The following TNPO1 variants were observed in gnomAD, a reference collection of about 807,000 sequenced individuals.
The protein encoded by TNPO1 is transportin-1.
TNPO1 carries 8 observed loss-of-function variants against 119.5 expected under a neutral mutation model. That is an observed-to-expected ratio of 0.07 (90% CI 0.04 to 0.12). TNPO1 has a LOEUF of 0.12. Among genes scored for constraint, TNPO1 ranks in the 10% least tolerant of loss-of-function variants. The pLI, the probability that TNPO1 is intolerant of heterozygous loss-of-function variation, is 1.00. For missense variants in TNPO1, 576 were observed against 1,089.8 expected, an observed-to-expected ratio of 0.53 and a Z score of 6.64; for synonymous variants, 362 against 363.0, an observed-to-expected ratio of 1.00 and a Z score of 0.03.
intron 9 of TNPO1, among the ~76,000 whole-genome samples, chr5:72,881,138 T>C (rs1748212026): frequency 6.6e-6 from 1 of 151,828 alleles, no homozygotes; most frequent in African/African-American, 2.4e-5. Flanking sequence ...TGAGATGGAG[T>C]CGCACTCTGT....
At chr5:72,840,823 A>G (rs1744879453) in intron 1 of TNPO1, among the ~76,000 whole-genome samples, 1 of 152,108 alleles carries the variant, frequency 6.6e-6, no homozygotes, top group Admixed American at 6.5e-5. Flanking sequence ...CCTATTTTCC[A>G]TTTTCTGTGT....
chr5:72,868,590 T>C (rs1341885670), intron 6 of TNPO1, among the ~76,000 whole-genome samples: 1 of 152,144 alleles, frequency 6.6e-6, no homozygotes, highest in Non-Finnish European at 1.5e-5. Flanking sequence ...GTTTAAAATG[T>C]CACCTCTGTT....
At position 72,905,326 on chromosome 5, in the gene TNPO1, A is replaced by G. The variant is rs866569558; in HGVS notation, c.2613A>G (p.Gln871=). Residue 871 remains glutamine (Q), a synonymous_variant, in exon 24 of 25, where the codon CAA becomes CAG. Transcript: ENST00000337273. ...FCKILHGFKN[Q]VGDENWRRFS... ...AGATCCTTCATGGATTTAAAAATCA[A>G]GTTGGCGATGAAAATTGGAGGCGTT... is the stretch of plus-strand genomic sequence containing the variant. 3 of 1,610,874 alleles carry G rather than the reference A, an allele frequency of 1.9e-6. No individual in the cohort carries two copies. The highest frequency in any genetic ancestry group is 2.2e-4 in the Middle Eastern group (1 of 4,446).
intron 12 of TNPO1, 99 bp from the exon 13 acceptor site, chr5:72,887,979 T>C: frequency 8.7e-7 from 1 of 1,146,234 alleles, no homozygotes; most frequent in Non-Finnish European, 1.2e-6. Context: ...GCAGTAGAAA[T>C]ATTCTGAATT....
rs1014683884 is a variant in TNPO1 at position 72,911,095 on chromosome 5, G to A, written c.*2422G>A. The A allele has an allele frequency of 6.6e-6, 1 of 151,580 alleles. No homozygotes were observed. The highest frequency in any genetic ancestry group is 2.4e-5 in the African/African-American group (1 of 41,332). 9.4% of individuals were successfully genotyped at this position (151,580 alleles called of 1,614,324 possible). A position where few individuals can be genotyped will look rare whatever the true frequency, so the allele number is the denominator to read the frequency against. On this transcript the variant is annotated 3_prime_UTR_variant, in exon 25 of 25. Coordinates refer to ENST00000337273, the MANE Select transcript of TNPO1 (RefSeq NM_002270.4). Reference sequence around the variant, plus strand: ...CTTCAAATACTTAGAATTCTAATATGAGAGATAGTTTAATATTCTGGAATA... The same window carrying A: ...CTTCAAATACTTAGAATTCTAATATAAGAGATAGTTTAATATTCTGGAATA...
At chr5:72,872,548 A>G in intron 6 of TNPO1, 91 bp from the exon 7 acceptor site, 1 of 807,858 alleles carries the variant, frequency 1.2e-6, no homozygotes. Flanking sequence ...GACATATCAT[A>G]ATATTTTTAT....
intron 4 of TNPO1, among the ~76,000 whole-genome samples, chr5:72,858,636 AAC>A (rs1746181619): frequency 6.6e-6 from 1 of 152,078 alleles, no homozygotes; most frequent in East Asian, 1.9e-4. Flanking sequence ...AGGAGATCGA[AAC>A]CATCCTGGCT....
At chr5:72,853,298 C>G (rs1225332331) in intron 3 of TNPO1, among the ~76,000 whole-genome samples, 2 of 152,154 alleles carry the variant, frequency 1.3e-5, no homozygotes, top group Non-Finnish European at 1.5e-5. Flanking sequence ...TAAAAATTAG[C>G]TGGCATAGTG....
chr5:72,838,716 A>G (rs1306386465), intron 1 of TNPO1, among the ~76,000 whole-genome samples: 1 of 152,166 alleles, frequency 6.6e-6, no homozygotes, highest in Non-Finnish European at 1.5e-5. Flanking sequence ...ACTTGAAGAC[A>G]AGCTACTCTT....
intron 1 of TNPO1, among the ~76,000 whole-genome samples, chr5:72,838,429 T>A (rs1554048540): frequency 6.6e-6 from 1 of 152,228 alleles, no homozygotes; most frequent in Non-Finnish European, 1.5e-5. Context: ...CTCACTTTAT[T>A]AATTTGTAAA....
intron 13 of TNPO1, among the ~76,000 whole-genome samples, chr5:72,889,547 T>G (rs1249272860): frequency 6.6e-6 from 1 of 152,150 alleles, no homozygotes; most frequent in African/African-American, 2.4e-5. Context: ...CCTGCCATCT[T>G]GAGACTTACA....
chr5:72,849,108 C>T (rs1745348927), intron 2 of TNPO1, among the ~76,000 whole-genome samples: 1 of 152,212 alleles, frequency 6.6e-6, no homozygotes, highest in Admixed American at 6.5e-5. Flanking sequence ...CCTGGGGTTA[C>T]TGGTGTTAAC....
chr5:72,836,088 C>T (rs892532395), intron 1 of TNPO1, among the ~76,000 whole-genome samples: 2 of 152,232 alleles, frequency 1.3e-5, no homozygotes, highest in African/African-American at 4.8e-5. Flanking sequence ...AGTCTACTGC[C>T]TGTGGTTCTC....
chr5:72,899,648 G>A (rs190408421), intron 20 of TNPO1, among the ~76,000 whole-genome samples: 486 of 152,190 alleles, frequency 3.2e-3, no homozygotes, highest in Non-Finnish European at 5.6e-3. Flanking sequence ...TTGAATGAAG[G>A]TTCTCTAAAT....
intron 2 of TNPO1, among the ~76,000 whole-genome samples, chr5:72,851,040 T>G (rs1745506862): frequency 1.3e-5 from 2 of 152,132 alleles, no homozygotes; most frequent in Non-Finnish European, 1.5e-5. Context: ...ATTTCAGCCA[T>G]AAAGCACCTA....
chr5:72,901,849 C>T (rs754378381), intron 22 of TNPO1, among the ~76,000 whole-genome samples: 1 of 152,020 alleles, frequency 6.6e-6, no homozygotes. Flanking sequence ...GAGGCCGAGG[C>T]AGGCAGATCA....
rs757082032 is a variant in TNPO1, at chr5:72,861,901, A to G, written c.449A>G (p.Tyr150Cys). Residue 150 changes from tyrosine (Y) to cysteine (C), a missense_variant, in exon 5 of 25, where the codon TAT (tyrosine) becomes TGT (cysteine). Around this residue, in one of 6 missense-constraint regions of TNPO1, gnomAD observed 310 missense variants for 583.0 expected, o/e 0.53. Coordinates refer to ENST00000337273, the MANE Select transcript of TNPO1 (RefSeq NM_002270.4). ...KLCSLLDSEDYNTCEGAFGAL... is the reference protein window; with the variant it reads ...KLCSLLDSEDCNTCEGAFGAL... ...TGTAGCCTGTTGGATTCTGAAGATTATAATACCTGTGAGGTAAGGATATTT... is the reference window on the plus strand; with the variant it reads ...TGTAGCCTGTTGGATTCTGAAGATTGTAATACCTGTGAGGTAAGGATATTT... The G allele has an allele frequency of 1.1e-5, 17 of 1,609,950 alleles. No homozygotes were observed. The Admixed American group carries it at 1.3e-4, about 13-fold the overall frequency.
chr5:72,841,665 G>A (rs1000733458), intron 1 of TNPO1, among the ~76,000 whole-genome samples: 5 of 152,134 alleles, frequency 3.3e-5, no homozygotes, highest in Non-Finnish European at 7.4e-5. Context: ...GGACTTTCTA[G>A]TTCCACTGAT....
Position 72,909,978 on chromosome 5 carries a change from T to A in TNPO1, c.*1305T>A, listed in dbSNP as rs1750449339. The A allele has an allele frequency of 6.6e-6, 1 of 152,658 alleles. No individual in the cohort carries two copies. The highest frequency in any genetic ancestry group is 2.4e-5 in the African/African-American group (1 of 41,468). 9.5% of individuals were successfully genotyped at this position (152,658 alleles called of 1,614,324 possible). ...ACGTGGTAAAAGATCTGTAAAAGGC[T>A]GCATAAATGTTAGTTGGCACATAAA... On this transcript the variant is annotated 3_prime_UTR_variant, in exon 25 of 25. Transcript: ENST00000337273.
Sources: allele counts gnomAD v4.1 joint callset (sites outside exome capture counted in the v4.1 genomes callset), GRCh38; gene constraint gnomAD v4.1.1; regional missense constraint gnomAD v4.1.1; transcripts MANE v1.5; gene names NCBI Gene and HGNC (gene_info 2026-07-23, HGNC 2026-07-21).